The following GTF2F1 variants were observed in gnomAD, a reference collection of about 807,000 sequenced individuals.
GTF2F1 encodes general transcription factor IIF subunit 1.
In GTF2F1, 39 loss-of-function variants were observed where a neutral mutation model predicts 63.5. The ratio of observed to expected loss-of-function variants is 0.61; its 90% CI spans 0.48 to 0.80. GTF2F1 has a LOEUF of 0.80. Ranked by LOEUF, GTF2F1 falls within the 30% of genes least tolerant of loss-of-function variation. The pLI is 0.00. For synonymous variants in GTF2F1, 287 were observed against 285.3 expected, an observed-to-expected ratio of 1.01 and a Z score of -0.06; for missense variants, 657 against 718.3, an observed-to-expected ratio of 0.91 and a Z score of 0.97.
rs1014088439 is a variant in GTF2F1, at chr19:6,380,027, G to A, written c.*254C>T. 3 of 558,574 alleles carry A rather than the reference G, an allele frequency of 5.4e-6. No individual in the cohort carries two copies. Among genetic ancestry groups the A allele is most frequent in the African/African-American group, 3.8e-5 (2 of 53,008 alleles). The allele number at this position is 558,574 out of a possible 1,614,324, so 34.6% of individuals were successfully genotyped here. ...GAGGGAGGCCGAGCCAGGAGGAGGA[G>A]GACAATAAGAAGGCCTAACAGGCAT... On this transcript the variant is annotated 3_prime_UTR_variant, in exon 13 of 13. Coordinates refer to ENST00000394456, the MANE Select transcript of GTF2F1 (RefSeq NM_002096.3). This position sits in a 1 kb window ranked among gnomAD's most constrained non-coding sequence, Gnocchi z 5.3.
Position 6,381,125 on chromosome 19 carries a change from C to T in GTF2F1, c.1089G>A (p.Met363Ile). 1 of 1,611,938 alleles carries T rather than the reference C, an allele frequency of 6.2e-7. No individual in the cohort carries two copies. Among genetic ancestry groups the T allele is most frequent in the Non-Finnish European group, 8.5e-7 (1 of 1,179,238 alleles). ...IDSEASSALF[M>I]AKKKTPPKRE... Reference sequence around the variant, plus strand: ...CCGCCACCGGGCTGGGCCTTACCGCCATGAAGAGGGCTGAGGAGGCCTCGC... The same window carrying T: ...CCGCCACCGGGCTGGGCCTTACCGCTATGAAGAGGGCTGAGGAGGCCTCGC... Residue 363 changes from methionine (M) to isoleucine (I), a missense_variant, in exon 10 of 13, where the codon ATG becomes ATA. Met to Ile is a conservative substitution (Grantham distance 10). Coordinates refer to ENST00000394456, the MANE Select transcript of GTF2F1 (RefSeq NM_002096.3). The surrounding 1 kb of genome is among the most constrained non-coding windows in gnomAD (Gnocchi z 4.1).
Position 6,387,497 on chromosome 19 carries a change from C to A in GTF2F1, c.389G>T (p.Cys130Phe). Residue 130 changes from cysteine (C) to phenylalanine (F), a missense_variant, in exon 5 of 13, where the codon TGC becomes TTC. Physicochemically the swap from Cys to Phe is radical, Grantham distance 205. Around this residue, in one of 2 missense-constraint regions of GTF2F1, gnomAD observed 602 missense variants for 625.6 expected, o/e 0.96. Coordinates refer to ENST00000394456, the MANE Select transcript of GTF2F1 (RefSeq NM_002096.3). ...GAAGGCCTCGAAGGCCCCGTCGGGG[C>A]ACTGGGTGAAGATGTAGTAGGACGT... Reference protein sequence around the residue: ...ENTSYYIFTQCPDGAFEAFPV... With the variant: ...ENTSYYIFTQFPDGAFEAFPV... The A allele has an allele frequency of 1.2e-6, 2 of 1,614,234 alleles. No homozygotes were observed. The highest frequency in any genetic ancestry group is 1.7e-6 in the Non-Finnish European group (2 of 1,180,016).
intron 2 of GTF2F1, chr19:6,392,428 T>C (rs1299702362): frequency 2.0e-6 from 1 of 490,314 alleles, no homozygotes; most frequent in South Asian, 1.5e-5. Context: ...AGGAAGATAC[T>C]GGAGTTGAGT....
chr19:6,386,517 A>C (rs765579605), intron 5 of GTF2F1, among the ~76,000 whole-genome samples: 42 of 152,072 alleles, frequency 2.8e-4, no homozygotes, highest in Non-Finnish European at 5.4e-4. Flanking sequence ...AACATCTAGG[A>C]TCACTGCAAG....
rs779139986 is a variant in GTF2F1, at chr19:6,392,887, T to G, written c.29A>C (p.Asn10Thr). ...AACTCGAACGACGTATTCAGTGACA[T>G]TCTGGCTGCTAGGGCCCTGCGGAAA... MAALGPSSQ[N>T]VTEYVVRVPK... The change falls in exon 2 of 13, where the codon AAT becomes ACT. Residue 10 changes from asparagine to threonine, a missense_variant. By Grantham distance (65) the Asn-to-Thr change is moderately conservative. Transcript: ENST00000394456. 6.2e-7 allele frequency: 1 copy of G among 1,614,132 alleles called. No individual in the cohort carries two copies. The highest frequency in any genetic ancestry group is 1.7e-5 in the Admixed American group (1 of 60,028).
At chr19:6,382,354 G>A (rs559668354) in intron 6 of GTF2F1, among the ~76,000 whole-genome samples, 13 of 152,134 alleles carry the variant, frequency 8.5e-5, no homozygotes, top group East Asian at 1.9e-4. Context: ...AAATTAGGCC[G>A]GGCGTGGTGG....
chr19:6,382,799 C>CAAAAAAA, intron 6 of GTF2F1, among the ~76,000 whole-genome samples: 1 of 81,582 alleles, frequency 1.2e-5, no homozygotes, highest in Non-Finnish European at 2.6e-5. Context: ...GATCCTGTCT[C>CAAAAAAA]AAAAAAAAAA....
intron 6 of GTF2F1, among the ~76,000 whole-genome samples, chr19:6,382,464 T>G (rs1322779351): frequency 2.6e-5 from 4 of 151,920 alleles, no homozygotes; most frequent in Non-Finnish European, 5.9e-5. Context: ...AAACCCCATC[T>G]CTACTAAAAA....
rs753039298 is a variant in GTF2F1 at position 6,381,600 on chromosome 19, C to G, written c.852G>C (p.Glu284Asp). The G allele has an allele frequency of 6.2e-7, 1 of 1,613,866 alleles. No homozygotes were observed. Among genetic ancestry groups the G allele is most frequent in the Non-Finnish European group, 8.5e-7 (1 of 1,180,028 alleles). Reference protein sequence around the residue: ...MSDGSSSSQEEPESKAKAPQQ... With the variant: ...MSDGSSSSQEDPESKAKAPQQ... ...GCGGCGCCTTGGCCTTGCTCTCAGG[C>G]TCTTCTTGGGAGCTACTGTAAGACG... Residue 284 changes from glutamate to aspartate, a missense_variant, in exon 8 of 13, where the codon GAG becomes GAC. Physicochemically the swap from Glu to Asp is conservative, Grantham distance 45. Transcript: ENST00000394456. This position sits in a 1 kb window ranked among gnomAD's most constrained non-coding sequence, Gnocchi z 4.1.
At chr19:6,386,819 A>G (rs1234275679) in intron 5 of GTF2F1, 1 of 152,928 alleles carries the variant, frequency 6.5e-6, no homozygotes, top group Non-Finnish European at 1.5e-5. Flanking sequence ...TGCAAATGCC[A>G]TTTGTAGATG....
In GTF2F1 at chr19:6,380,512, G is replaced by GC; in HGVS notation, c.1350-28dup. 1 of 1,612,234 alleles carries GC rather than the reference G, an allele frequency of 6.2e-7. No homozygotes were observed. The highest frequency in any genetic ancestry group is 8.5e-7 in the Non-Finnish European group (1 of 1,178,322). Reference sequence around the variant, plus strand: ...TGAGGATGGGAGGACGGGGAAGGTGGCATCAGTGAGATTGTCCCCAGTAGC... The same window carrying GC: ...TGAGGATGGGAGGACGGGGAAGGTGGCCATCAGTGAGATTGTCCCCAGTAGC... On this transcript the variant is annotated intron_variant, in intron 12 of 12. Coordinates refer to ENST00000394456, the MANE Select transcript of GTF2F1 (RefSeq NM_002096.3). This position sits in a 1 kb window ranked among gnomAD's most constrained non-coding sequence, Gnocchi z 5.3.
At chr19:6,387,047 C>T (rs1288219574) in intron 5 of GTF2F1, 2 of 285,534 alleles carry the variant, frequency 7.0e-6, no homozygotes, top group Non-Finnish European at 1.3e-5. Context: ...TAGAGAAACC[C>T]TCCTCGGGTG....
At position 6,381,082 on chromosome 19, in the gene GTF2F1, C is replaced by T. The variant is rs2091946761; in HGVS notation, c.1092+40G>A. Reference sequence around the variant, plus strand: ...GTTGGGAGGTGGGTGAGTCTGCAAACAGACGCCCAGGCCTCCCCCGCCACC... The same window carrying T: ...GTTGGGAGGTGGGTGAGTCTGCAAATAGACGCCCAGGCCTCCCCCGCCACC... On this transcript the variant is annotated intron_variant, in intron 10 of 12. Transcript: ENST00000394456. This position sits in a 1 kb window ranked among gnomAD's most constrained non-coding sequence, Gnocchi z 4.1. 1 of 1,606,424 alleles carries T rather than the reference C, an allele frequency of 6.2e-7. No homozygotes were observed.
Position 6,381,818 on chromosome 19 carries a change from G to A in GTF2F1, c.715C>T (p.Pro239Ser). The A allele has an allele frequency of 6.2e-7, 1 of 1,613,632 alleles. No individual in the cohort carries two copies. Among genetic ancestry groups the A allele is most frequent in the Non-Finnish European group, 8.5e-7 (1 of 1,180,000 alleles). Reference protein sequence around the residue: ...GRVPKAKKKAPLAKGGRKKKK... With the variant: ...GRVPKAKKKASLAKGGRKKKK... ...TTTTTCCTGCCGCCCTTGGCCAGCGGCGCCTTCTTCTTGGCCTTGGGGACT... is the reference window on the plus strand; with the variant it reads ...TTTTTCCTGCCGCCCTTGGCCAGCGACGCCTTCTTCTTGGCCTTGGGGACT... Residue 239 changes from proline to serine, a missense_variant, in exon 7 of 13, where the codon CCG (proline) becomes TCG (serine). This residue lies in a region of GTF2F1 where 602 missense variants were observed against 625.6 expected (regional missense o/e 0.96). Coordinates refer to ENST00000394456, the MANE Select transcript of GTF2F1 (RefSeq NM_002096.3). The surrounding 1 kb of genome is among the most constrained non-coding windows in gnomAD (Gnocchi z 4.1).
Position 6,380,722 on chromosome 19 carries a change from A to G in GTF2F1, c.1232-32T>C, listed in dbSNP as rs45580335. ...GAGTGGGGTCAGGGCTGAGTCTTGC[A>G]GGCAGGAGGCAGAACCCCTGGGCAG... On this transcript the variant is annotated intron_variant, in intron 11 of 12. Transcript: ENST00000394456. The surrounding 1 kb of genome is among the most constrained non-coding windows in gnomAD (Gnocchi z 5.3). 128,465 of 1,598,424 alleles carry G rather than the reference A, an allele frequency of 0.08. 5,934 individuals are homozygous for G. The highest frequency in any genetic ancestry group is 0.095 in the Non-Finnish European group (111,495 of 1,174,070).
In GTF2F1 at chr19:6,381,075, C is replaced by T. The variant is rs773597792; in HGVS notation, c.1093-33G>A. ...GGTCAGGGTTGGGAGGTGGGTGAGT[C>T]TGCAAACAGACGCCCAGGCCTCCCC... On this transcript the variant is annotated intron_variant, in intron 10 of 12. Transcript: ENST00000394456. The surrounding 1 kb of genome is among the most constrained non-coding windows in gnomAD (Gnocchi z 4.1). 8.7e-6 allele frequency: 14 copies of T among 1,609,058 alleles called. No homozygotes were observed. The South Asian group carries it at 1.4e-4, about 17-fold the overall frequency.
In GTF2F1 at chr19:6,380,751, C is replaced by G; in HGVS notation, c.1232-61G>C. 1.3e-6 allele frequency: 2 copies of G among 1,579,028 alleles called. No individual in the cohort carries two copies. Reference sequence around the variant, plus strand: ...AGGAGGCAGAACCCCTGGGCAGGACCCCAGGCTGGGCAGTGCCAGGATTAG... The same window carrying G: ...AGGAGGCAGAACCCCTGGGCAGGACGCCAGGCTGGGCAGTGCCAGGATTAG... On this transcript the variant is annotated intron_variant, in intron 11 of 12. Coordinates refer to ENST00000394456, the MANE Select transcript of GTF2F1 (RefSeq NM_002096.3). The surrounding 1 kb of genome is among the most constrained non-coding windows in gnomAD (Gnocchi z 5.3).
chr19:6,386,851 C>G (rs1225295060), intron 5 of GTF2F1: 2 of 154,364 alleles, frequency 1.3e-5, no homozygotes, highest in Admixed American at 6.4e-5. Context: ...CCCTCCCCAC[C>G]ATCTGCAAGC....
In GTF2F1 at chr19:6,387,406, G is replaced by A. The variant is rs747679016; in HGVS notation, c.480C>T (p.Ala160=). The change falls in exon 5 of 13, where the codon GCC becomes GCT. Residue 160 remains alanine (A), a synonymous_variant. Transcript: ENST00000394456. ...ARHRTLTAEE[A]EEEWERRNKV... is the part of the protein sequence containing the mutation. The stretch of plus-strand genomic sequence containing the variant: ...CCACTCACCTCTCCCACTCCTCCTC[G>A]GCCTCCTCGGCAGTGAGCGTGCGAT... 106 of 1,613,958 alleles carry A rather than the reference G, an allele frequency of 6.6e-5. No homozygotes were observed. The highest frequency in any genetic ancestry group is 9.3e-5 in the African/African-American group (7 of 74,920).
Sources: gnomAD v4.1 joint callset for allele counts (sites outside exome capture counted in the v4.1 genomes callset) on GRCh38, gnomAD v4.1.1 for gene constraint, gnomAD v4.1.1 regional missense constraint, Gnocchi (gnomAD v3.1) non-coding constraint, MANE v1.5 for transcripts, NCBI Gene and HGNC (gene_info 2026-07-23, HGNC 2026-07-21) for gene names.